The following RABGAP1L variants were observed in gnomAD, a reference collection of about 807,000 sequenced individuals.
RABGAP1L encodes the protein RAB GTPase activating protein 1 like.
In RABGAP1L, 63 loss-of-function variants were observed where a neutral mutation model predicts 137.7. The ratio of observed to expected loss-of-function variants is 0.46; its 90% CI spans 0.37 to 0.56. The LOEUF (loss-of-function observed/expected upper bound fraction) is 0.56, where lower values mean the gene tolerates loss of function less well. Among genes scored for constraint, RABGAP1L ranks in the 20% least tolerant of loss-of-function variants. The pLI is 0.00. For synonymous variants in RABGAP1L, 431 were observed against 433.7 expected (o/e 0.99, Z 0.08); for missense variants, 1,095 against 1,244.0 (o/e 0.88, Z 1.80).
chr1:174,637,686 G>T (rs901495381), intron 14 of RABGAP1L, among the ~76,000 whole-genome samples, 198 bp downstream of exon 14: 4 of 152,168 alleles, frequency 2.6e-5, no homozygotes, highest in Non-Finnish European at 1.5e-5. Flanking sequence ...CTCCTCATGA[G>T]GGAGGAGGCG....
intron 17 of RABGAP1L, among the ~76,000 whole-genome samples, chr1:174,730,734 A>G (rs1467837896): frequency 6.6e-6 from 1 of 152,204 alleles, no homozygotes. Flanking sequence ...AGAGAGTCAT[A>G]GAGTTGTTCA....
At chr1:174,775,314 C>CT (rs11318724) in intron 18 of RABGAP1L, among the ~76,000 whole-genome samples, 62 of 137,260 alleles carry the variant, frequency 4.5e-4, no homozygotes, top group Middle Eastern at 3.6e-3. Context: ...CAGGAGAAAA[C>CT]TTTTTTTTTT....
intron 17 of RABGAP1L, among the ~76,000 whole-genome samples, chr1:174,725,410 G>A (rs577248185): frequency 1.3e-3 from 201 of 152,274 alleles, no homozygotes; most frequent in Non-Finnish European, 2.6e-3. Flanking sequence ...ATATTGCAGG[G>A]AAACTTTTGG....
At chr1:174,933,550 A>G (rs1664222258) in intron 19 of RABGAP1L, among the ~76,000 whole-genome samples, 2 of 152,144 alleles carry the variant, frequency 1.3e-5, no homozygotes, top group Non-Finnish European at 2.9e-5. Flanking sequence ...GAAGTTCTCC[A>G]AATGTGATCT....
chr1:174,388,495 G>C (rs1686979982), intron 12 of RABGAP1L, among the ~76,000 whole-genome samples: 1 of 151,020 alleles, frequency 6.6e-6, no homozygotes. Flanking sequence ...GAAAGGTTGA[G>C]AGAGAGAGAG....
intron 15 of RABGAP1L, among the ~76,000 whole-genome samples, chr1:174,686,910 T>C (rs1280368275): frequency 1.3e-5 from 2 of 151,746 alleles, no homozygotes; most frequent in African/African-American, 4.8e-5. Flanking sequence ...CCTCCCACCT[T>C]AGCCTCCCAA....
intron 13 of RABGAP1L, among the ~76,000 whole-genome samples, chr1:174,615,452 G>T: frequency 6.6e-6 from 1 of 152,176 alleles, no homozygotes; most frequent in Non-Finnish European, 1.5e-5. Context: ...TCTCAGAGGA[G>T]TACCCTGCCA....
At chr1:174,406,033 G>A (rs1311537327) in intron 13 of RABGAP1L, among the ~76,000 whole-genome samples, 1 of 151,684 alleles carries the variant, frequency 6.6e-6, no homozygotes, top group Non-Finnish European at 1.5e-5. Context: ...TAATGAAAGA[G>A]GTTCTTTAAG....
chr1:174,931,153 G>T (rs1268127747), intron 19 of RABGAP1L, among the ~76,000 whole-genome samples: 1 of 152,100 alleles, frequency 6.6e-6, no homozygotes, highest in African/African-American at 2.4e-5. Flanking sequence ...TATACTGTGG[G>T]TGATGGGAAT....
chr1:174,865,577 G>A (rs760197081), intron 19 of RABGAP1L, among the ~76,000 whole-genome samples: 1 of 94,718 alleles, frequency 1.1e-5, no homozygotes, highest in Non-Finnish European at 1.9e-5. Context: ...AGATATCAGA[G>A]ATTTTTTTTT....
intron 19 of RABGAP1L, among the ~76,000 whole-genome samples, chr1:174,954,552 G>A (rs1179341492): frequency 2.0e-5 from 3 of 152,140 alleles, no homozygotes; most frequent in Admixed American, 2.0e-4. Context: ...ATAGTTTGAA[G>A]TTTAAAAATA....
chr1:174,828,527 G>GTTTGAA (rs1691811696), intron 19 of RABGAP1L, among the ~76,000 whole-genome samples: 1 of 148,282 alleles, frequency 6.7e-6, no homozygotes, highest in African/African-American at 2.5e-5. Context: ...ACAAGTCTAG[G>GTTTGAA]TTTGAATTCT....
At chr1:174,162,775 C>CTTTTTTTTTTTTTTTTTTTTT (rs1571316527) in intron 1 of RABGAP1L, among the ~76,000 whole-genome samples, 1 of 23,442 alleles carries the variant, frequency 4.3e-5, no homozygotes, top group African/African-American at 1.8e-4. Context: ...TTTTCTCTTT[C>CTTTTTTTTTTTTTTTTTTTTT]TGTTTTTTTT....
At chr1:174,784,011 C>CTTTTTTTTT (rs3085670) in intron 18 of RABGAP1L, among the ~76,000 whole-genome samples, 9 of 52,164 alleles carry the variant, frequency 1.7e-4, no homozygotes, top group East Asian at 7.7e-4. Flanking sequence ...TCTTCTTCTT[C>CTTTTTTTTT]TTTTTTTTTT....
intron 11 of RABGAP1L, among the ~76,000 whole-genome samples, chr1:174,329,767 ACTTCAT>A (rs1324786766): frequency 3.9e-5 from 6 of 152,302 alleles, no homozygotes; most frequent in African/African-American, 1.4e-4. Context: ...CATGTGACAG[ACTTCAT>A]CTTTTTGTGA....
intron 19 of RABGAP1L, among the ~76,000 whole-genome samples, chr1:174,925,883 T>TG (rs1558240078): frequency 1.4e-5 from 2 of 142,860 alleles, no homozygotes; most frequent in Admixed American, 7.4e-5. Flanking sequence ...TTTGTTTTTT[T>TG]TTTGTGTTTT....
chr1:174,969,825 G>A (rs1477255157), intron 21 of RABGAP1L, among the ~76,000 whole-genome samples: 2 of 152,206 alleles, frequency 1.3e-5, no homozygotes, highest in Non-Finnish European at 2.9e-5. Context: ...ATAGGCATCT[G>A]AGTGGCTGAG....
At chr1:174,475,809 T>C in intron 13 of RABGAP1L, among the ~76,000 whole-genome samples, 1 of 150,620 alleles carries the variant, frequency 6.6e-6, no homozygotes, top group Non-Finnish European at 1.5e-5. Context: ...GGTCAGATCT[T>C]TGGCCATTTG....
At chr1:174,981,341 C>T (rs1432643167) in intron 23 of RABGAP1L, among the ~76,000 whole-genome samples, 2 of 152,142 alleles carry the variant, frequency 1.3e-5, no homozygotes, top group African/African-American at 2.4e-5. Context: ...CAGTCAATAC[C>T]GTCCTACTAA....
Sources: allele counts gnomAD v4.1 joint callset (sites outside exome capture counted in the v4.1 genomes callset), GRCh38; gene constraint gnomAD v4.1.1; transcripts MANE v1.5; gene names NCBI Gene and HGNC (gene_info 2026-07-23, HGNC 2026-07-21).